SLC35D1: variants seen among roughly 807,000 people sequenced by gnomAD.
SLC35D1 encodes the protein solute carrier family 35 member D1, also known as nucleotide sugar transporter SLC35D1.
Under a neutral mutation model 46.7 loss-of-function variants are expected in SLC35D1, and 31 were observed. That is an observed-to-expected ratio of 0.66 (90% CI 0.50 to 0.90). SLC35D1 has a LOEUF of 0.90. Ranked by LOEUF, SLC35D1 falls within the 40% of genes least tolerant of loss-of-function variation. SLC35D1 has a pLI of 0.00. For missense variants in SLC35D1, 397 were observed against 426.2 expected (o/e 0.93, Z 0.60); for synonymous variants, 195 against 164.6 (o/e 1.18, Z -1.41).
At chr1:66,985,929 A>G in the SLC35D1 span, 8 of 984,156 alleles carry the variant, frequency 8.1e-6, no homozygotes, top group Non-Finnish European at 9.6e-6. Flanking sequence ...ATAATTTTCA[A>G]AATTATTTTT....
intron 8 of SLC35D1, 122 bp from the exon 9 acceptor site, chr1:67,021,724 G>GACACACACACACACACACACACAC: frequency 5.0e-5 from 21 of 422,700 alleles, no homozygotes; most frequent in East Asian, 1.7e-4. Context: ...CACAGACACA[G>GACACACACACACACACACACACAC]ACACACACAC....
intron 8 of SLC35D1, among the ~76,000 whole-genome samples, chr1:67,022,168 A>T (rs1398357704): frequency 6.6e-6 from 1 of 152,202 alleles, no homozygotes. Flanking sequence ...GCCAAAAGGA[A>T]AGGAATAAAG....
the SLC35D1 span, among the ~76,000 whole-genome samples, chr1:66,980,748 A>G: frequency 6.6e-6 from 1 of 152,084 alleles, no homozygotes; most frequent in Admixed American, 6.6e-5. Flanking sequence ...TGGTGCAGGT[A>G]TAAACAAAGT....
intron 10 of SLC35D1, among the ~76,000 whole-genome samples, chr1:67,016,068 A>G (rs541518842): frequency 3.1e-4 from 47 of 152,218 alleles, no homozygotes; most frequent in South Asian, 1.7e-3. Flanking sequence ...TGTTAAAATC[A>G]AATGGAAATC....
the SLC35D1 span, among the ~76,000 whole-genome samples, chr1:66,973,300 T>C: frequency 6.6e-6 from 1 of 152,132 alleles, no homozygotes; most frequent in African/African-American, 2.4e-5. Flanking sequence ...TTCCACAGTC[T>C]GTGACTGTTT....
At chr1:66,988,997 A>G in the SLC35D1 span, among the ~76,000 whole-genome samples, 1 of 152,226 alleles carries the variant, frequency 6.6e-6, no homozygotes, top group African/African-American at 2.4e-5. Flanking sequence ...CCTCTTTGCC[A>G]TGTAAGTCTA....
chr1:66,991,070 CCTTT>C, the SLC35D1 span, among the ~76,000 whole-genome samples: 1 of 152,128 alleles, frequency 6.6e-6, no homozygotes. Context: ...CCTGAGTTGC[CCTTT>C]GTACCGCTGC....
chr1:67,035,232 CCCT>C (rs1170937569), intron 8 of SLC35D1, among the ~76,000 whole-genome samples: 1 of 152,010 alleles, frequency 6.6e-6, no homozygotes, highest in East Asian at 1.9e-4. Flanking sequence ...TGGAAGTATG[CCCT>C]CCTCCTCTAT....
chr1:67,032,874 C>A (rs1459179802), intron 8 of SLC35D1, among the ~76,000 whole-genome samples: 2 of 152,080 alleles, frequency 1.3e-5, no homozygotes, highest in Non-Finnish European at 2.9e-5. Context: ...TATCTCTTAA[C>A]CCTTCCAGCT....
At chr1:67,013,528 CAACAGAG>C (rs1213676942) in intron 10 of SLC35D1, among the ~76,000 whole-genome samples, 11 of 152,040 alleles carry the variant, frequency 7.2e-5, no homozygotes, top group Non-Finnish European at 1.5e-4. Flanking sequence ...AAAGCCTGGG[CAACAGAG>C]TGAGACCCTG....
intron 6 of SLC35D1, among the ~76,000 whole-genome samples, chr1:67,048,646 TG>T (rs1235997901): frequency 6.6e-6 from 1 of 152,184 alleles, no homozygotes; most frequent in Non-Finnish European, 1.5e-5. Flanking sequence ...AGAAGTACAC[TG>T]GAACTCCTGG....
the SLC35D1 span, chr1:66,985,814 ATTTTTTTTTT>A: frequency 1.7e-6 from 1 of 578,690 alleles, no homozygotes; most frequent in Non-Finnish European, 2.1e-6. Flanking sequence ...GGATTATAAA[ATTTTTTTTTT>A]TTTTTTTTTT....
At chr1:67,014,466 CTTTA>C (rs1336626567) in intron 10 of SLC35D1, among the ~76,000 whole-genome samples, 4 of 151,952 alleles carry the variant, frequency 2.6e-5, no homozygotes, top group South Asian at 2.1e-4. Context: ...GCTATAAAGT[CTTTA>C]TTTGTGTCCA....
chr1:67,027,513 A>G (rs893140951), intron 8 of SLC35D1, among the ~76,000 whole-genome samples: 3 of 152,088 alleles, frequency 2.0e-5, no homozygotes, highest in African/African-American at 7.2e-5. Flanking sequence ...ACCTCAAGTA[A>G]TCTTCCTACC....
At chr1:66,983,518 A>G in the SLC35D1 span, among the ~76,000 whole-genome samples, 1 of 152,092 alleles carries the variant, frequency 6.6e-6, no homozygotes, top group Non-Finnish European at 1.5e-5. Flanking sequence ...TTTACAGTCA[A>G]CTCTAAAATG....
Position 67,016,289 on chromosome 1 carries a change from A to G in SLC35D1, c.876+4080T>C, listed in dbSNP as rs530606916. Among the ~76,000 whole-genome samples the G allele has an allele frequency of 3.3e-5, 5 of 152,230 alleles. No homozygotes were observed. The East Asian group carries it at 7.7e-4, about 23-fold the overall frequency. ...AACTATTCTAAGACTTTTGTTTTCC[A>G]TTGACAATCATTGTTTTACTTTGAT... On this transcript the variant is annotated intron_variant, in intron 10 of 11. Transcript: ENST00000235345.
the SLC35D1 span, chr1:66,981,968 C>T: frequency 6.3e-7 from 1 of 1,584,766 alleles, no homozygotes; most frequent in Non-Finnish European, 8.6e-7. Context: ...GGGACACTTT[C>T]TTGCAGTGAC....
the SLC35D1 span, among the ~76,000 whole-genome samples, chr1:66,989,418 T>G: frequency 1.3e-5 from 2 of 152,228 alleles, no homozygotes; most frequent in African/African-American, 4.8e-5. Flanking sequence ...TCAGCAAAGT[T>G]AGATGATCCC....
At position 67,042,293 on chromosome 1, in the gene SLC35D1, T is replaced by G. The variant is rs138369664; in HGVS notation, c.672A>C (p.Ala224=). ...LGKYGLLYYN[A]LFMILPTLAI... ...CCAGGGTGGGCAGAATCATGAACAG[T>G]GCATTGTAATAGAGCAGTCCATATT... is the stretch of plus-strand genomic sequence containing the variant. Residue 224 remains alanine, a synonymous_variant, in exon 8 of 12, where the codon GCA becomes GCC. Coordinates refer to ENST00000235345, the MANE Select transcript of SLC35D1 (RefSeq NM_015139.3). 1.6e-4 allele frequency: 254 copies of G among 1,614,144 alleles called. No homozygotes were observed. In the African/African-American group the frequency reaches 3.2e-3, roughly 20 times the overall value.
Sources: gnomAD v4.1 joint callset for allele counts (sites outside exome capture counted in the v4.1 genomes callset) on GRCh38, gnomAD v4.1.1 for gene constraint, MANE v1.5 for transcripts, NCBI Gene and HGNC (gene_info 2026-07-23, HGNC 2026-07-21) for gene names.